Variants in MYBBP1A observed in about 807,000 individuals in gnomAD.
MYBBP1A encodes MYB binding protein 1a.
Under a neutral mutation model 136.3 loss-of-function variants are expected in MYBBP1A, and 147 were observed. That is an observed-to-expected ratio of 1.08 (90% CI 0.94 to 1.24). The LOEUF (loss-of-function observed/expected upper bound fraction) is 1.24, where lower values mean the gene tolerates loss of function less well. MYBBP1A is among the 50% of genes most tolerant of loss of function. The probability of loss-of-function intolerance (pLI) is 0.00; values close to 1 mark genes in which losing one functional copy is unlikely to be tolerated. For synonymous variants in MYBBP1A, 947 were observed against 735.8 expected (o/e 1.29, Z -4.65); for missense variants, 2,060 against 1,727.4 (o/e 1.19, Z -3.41).
At position 4,554,213 on chromosome 17, in the gene MYBBP1A, G is replaced by A; in HGVS notation, c.360C>T (p.Asp120=). Residue 120 remains aspartate (D), a synonymous_variant, in exon 3 of 26, where the codon GAC becomes GAT. Coordinates refer to ENST00000254718, the MANE Select transcript of MYBBP1A (RefSeq NM_014520.4). ...CTCTCACCTTCTTCACCTGATGCAG[G>A]TCATATTTTTCTTGTATCTGCTGCA... The part of the protein sequence containing the change: ...SILQQIQEKY[D]LHQVKKAMLR... 6.2e-7 allele frequency: 1 copy of A among 1,614,064 alleles called. No homozygotes were observed. Among genetic ancestry groups the A allele is most frequent in the Non-Finnish European group, 8.5e-7 (1 of 1,180,012 alleles).
intron 13 of MYBBP1A, among the ~76,000 whole-genome samples, chr17:4,546,536 T>C (rs1285112876): frequency 1.3e-5 from 2 of 152,304 alleles, no homozygotes; most frequent in East Asian, 3.9e-4. Flanking sequence ...CTGACAAGGA[T>C]GGTCAGGGTC....
rs768669660 is a variant in MYBBP1A, at chr17:4,545,030, G to A, written c.2306C>T (p.Ala769Val). 8.2e-5 allele frequency: 79 copies of A among 965,308 alleles called. No homozygotes were observed. Among genetic ancestry groups the A allele is most frequent in the Admixed American group, 2.4e-4 (6 of 25,092 alleles). The allele number at this position is 965,308 out of a possible 1,614,324, so 59.8% of individuals were successfully genotyped here. The stretch of plus-strand genomic sequence containing the variant: ...CCCTCCACCTCCCCCACTCACCAGC[G>A]CCTTCCCAGCCTGCAGCACGGTCAT... ...QLMTVLQAGK[A>V]LGGEDSENEE... Residue 769 changes from alanine to valine, a missense_variant, in exon 17 of 26, where the codon GCG (alanine) becomes GTG (valine). Coordinates refer to ENST00000254718, the MANE Select transcript of MYBBP1A (RefSeq NM_014520.4).
At chr17:4,554,605 C>G (rs145217597) in intron 2 of MYBBP1A, among the ~76,000 whole-genome samples, 2 of 152,324 alleles carry the variant, frequency 1.3e-5, no homozygotes, top group African/African-American at 4.8e-5. Flanking sequence ...GCCCACCCAG[C>G]GCTCACTGCT....
rs1597374500 is a variant in MYBBP1A at position 4,539,097 on chromosome 17, A to C, written c.*318T>G. 6.6e-7 allele frequency: 1 copy of C among 1,505,814 alleles called. No homozygotes were observed. The highest frequency in any genetic ancestry group is 9.1e-7 in the Non-Finnish European group (1 of 1,104,898). 93.3% of individuals were successfully genotyped at this position (1,505,814 alleles called of 1,614,324 possible). A position where few individuals can be genotyped will look rare whatever the true frequency, so the allele number is the denominator to read the frequency against. ...GGCAAAGAGGTGGCAGGCACGAGAG[A>C]TGGTCACACCTGCCTGCAGCCAGCA... On this transcript the variant is annotated 3_prime_UTR_variant, in exon 26 of 26. Coordinates refer to ENST00000254718, the MANE Select transcript of MYBBP1A (RefSeq NM_014520.4).
At chr17:4,544,724 G>GTGGGCGCACAGGGAGGCGGGGT (rs1906804025) in intron 18 of MYBBP1A, 27 bp downstream of exon 18, 1 of 1,509,912 alleles carries the variant, frequency 6.6e-7, no homozygotes, top group African/African-American at 1.4e-5. Flanking sequence ...GGAGGCGGGG[G>GTGGGCGCACAGGGAGGCGGGGT]TGGGTGCGGC....
At chr17:4,541,737 A>C in intron 23 of MYBBP1A, 47 bp downstream of exon 23, 2 of 1,549,504 alleles carry the variant, frequency 1.3e-6, no homozygotes. Flanking sequence ...GGTCTCCCGG[A>C]GAACTGATTC....
chr17:4,541,629 C>A, intron 23 of MYBBP1A, 65 bp from the exon 24 acceptor site: 2 of 1,557,696 alleles, frequency 1.3e-6, no homozygotes, highest in South Asian at 1.1e-5. Context: ...GTTTCCCAGC[C>A]GGAAGTAAAG....
Position 4,552,885 on chromosome 17 carries a change from G to A in MYBBP1A, c.562-259C>T, listed in dbSNP as rs1310612708. Among the ~76,000 whole-genome samples, 1 of 151,204 alleles carries A rather than the reference G, an allele frequency of 6.6e-6. No individual in the cohort carries two copies. Among genetic ancestry groups the A allele is most frequent in the Non-Finnish European group, 1.5e-5 (1 of 67,926 alleles). The stretch of plus-strand genomic sequence containing the variant: ...AGTCTCACTTTGCCACCCAGGCTGA[G>A]TATAGTGGTGTGATCTTGGCTCACT... On this transcript the variant is annotated intron_variant, in intron 5 of 25. Transcript: ENST00000254718. The surrounding 1 kb of genome is among the most constrained non-coding windows in gnomAD (Gnocchi z 4.7).
At chr17:4,549,868 C>T (rs1907348720) in intron 9 of MYBBP1A, among the ~76,000 whole-genome samples, 190 bp downstream of exon 9, 1 of 151,978 alleles carries the variant, frequency 6.6e-6, no homozygotes, top group South Asian at 2.1e-4. Context: ...TCCAAGATCT[C>T]CCCATCCCGA....
intron 15 of MYBBP1A, 41 bp from the exon 16 acceptor site, chr17:4,545,386 G>C (rs374829425): frequency 6.2e-7 from 1 of 1,605,370 alleles, no homozygotes; most frequent in South Asian, 1.1e-5. Flanking sequence ...TGCAGCCCCC[G>C]CCCTCCTCTC....
Position 4,541,853 on chromosome 17 carries a change from C to A in MYBBP1A, c.3126G>T (p.Glu1042Asp), listed in dbSNP as rs1330621594. The A allele has an allele frequency of 1.2e-6, 2 of 1,613,960 alleles. No homozygotes were observed. Among genetic ancestry groups the A allele is most frequent in the Admixed American group, 3.3e-5 (2 of 60,014 alleles). Residue 1042 changes from glutamate (E) to aspartate (D), a missense_variant, in exon 23 of 26, where the codon GAG becomes GAT. Transcript: ENST00000254718. Reference protein sequence around the residue: ...LLLQKTLSMREVRSCFEDPEW... With the variant: ...LLLQKTLSMRDVRSCFEDPEW... ...CGGGGTCCTCAAAGCACGACCTCAC[C>A]TCCCGCATGGACAGGGTCTTCTGGA...
chr17:4,550,453 C>G lies in MYBBP1A; in HGVS notation c.1024-100G>C, dbSNP rs556467893. 15 of 1,393,664 alleles carry G rather than the reference C, an allele frequency of 1.1e-5. No homozygotes were observed. The East Asian group carries it at 3.2e-4, about 30-fold the overall frequency. 86.3% of individuals were successfully genotyped at this position (1,393,664 alleles called of 1,614,324 possible). A position where few individuals can be genotyped will look rare whatever the true frequency, so the allele number is the denominator to read the frequency against. Reference sequence around the variant, plus strand: ...GCAGGCGGGCAACAGCCCAACAGCCCAACAGCCCGGGGGCAGGCGGGCAAC... The same window carrying G: ...GCAGGCGGGCAACAGCCCAACAGCCGAACAGCCCGGGGGCAGGCGGGCAAC... On this transcript the variant is annotated intron_variant, in intron 8 of 25. Coordinates refer to ENST00000254718, the MANE Select transcript of MYBBP1A (RefSeq NM_014520.4).
At position 4,550,226 on chromosome 17, in the gene MYBBP1A, C is replaced by A. The variant is rs1907388931; in HGVS notation, c.1151G>T (p.Gly384Val). The A allele has an allele frequency of 1.2e-6, 2 of 1,613,696 alleles. No homozygotes were observed. The highest frequency in any genetic ancestry group is 1.1e-5 in the South Asian group (1 of 91,090). The change falls in exon 9 of 26, where the codon GGC (glycine) becomes GTC (valine). Residue 384 changes from glycine (G) to valine (V), a missense_variant. Transcript: ENST00000254718. ...CCAGAAAGTAGGCGTGACAGGGAGG[C>A]CTTGGTTGGTGACAGATGAGAAGGC... Reference protein sequence around the residue: ...LVAFSSVTNQGLPVTPTFWRV... With the variant: ...LVAFSSVTNQVLPVTPTFWRV...
chr17:4,544,777 C>A lies in MYBBP1A; in HGVS notation c.2455G>T (p.Ala819Ser), dbSNP rs1906815160. Residue 819 changes from alanine (A) to serine (S), a missense_variant, in exon 18 of 26, where the codon GCT becomes TCT. Transcript: ENST00000254718. ...CGGATCTGGAAGTCGCGCCGCAGAG[C>A]CTTCTCCTTCTGCAGCTTGTTCTTC... ...DEKNKLQKEK[A>S]LRRDFQIRVL... The A allele has an allele frequency of 1.3e-6, 2 of 1,590,268 alleles. No homozygotes were observed. The highest frequency in any genetic ancestry group is 1.7e-5 in the Admixed American group (1 of 57,882).
intron 25 of MYBBP1A, 88 bp from the exon 26 acceptor site, chr17:4,540,055 G>A (rs919472723): frequency 1.4e-6 from 2 of 1,442,044 alleles, no homozygotes; most frequent in Non-Finnish European, 9.4e-7. Context: ...GGATTCTGAG[G>A]GTCCTCTGAG....
chr17:4,541,156 CCA>C (rs10535123), intron 24 of MYBBP1A, among the ~76,000 whole-genome samples: 24,754 of 152,218 alleles, frequency 0.16, 2,765 homozygotes, highest in East Asian at 0.53. Context: ...TCCAACCCTT[CCA>C]CAGTCTCCAG....
At chr17:4,549,241 G>A (rs1907285359) in intron 10 of MYBBP1A, 91 bp downstream of exon 10, 1 of 1,109,676 alleles carries the variant, frequency 9.0e-7, no homozygotes, top group Non-Finnish European at 1.3e-6. Flanking sequence ...AAAGGCTTCT[G>A]GCTCCAGGGG....
chr17:4,539,255 T>C lies in MYBBP1A; in HGVS notation c.*160A>G. The C allele has an allele frequency of 6.7e-7, 1 of 1,486,526 alleles. No homozygotes were observed. Among genetic ancestry groups the C allele is most frequent in the Non-Finnish European group, 8.8e-7 (1 of 1,130,022 alleles). 92.1% of individuals were successfully genotyped at this position (1,486,526 alleles called of 1,614,324 possible). A position where few individuals can be genotyped will look rare whatever the true frequency, so the allele number is the denominator to read the frequency against. On this transcript the variant is annotated 3_prime_UTR_variant, in exon 26 of 26. Transcript: ENST00000254718. ...CTGCAGGAATGGCTCAGGCTGTGCT[T>C]GCCAGAGCAGGATGCCCGGGCAGGC...
At chr17:4,542,285 G>C (rs1037194011) in intron 22 of MYBBP1A, 179 bp downstream of exon 22, 2 of 694,606 alleles carry the variant, frequency 2.9e-6, no homozygotes, top group Non-Finnish European at 4.8e-6. Flanking sequence ...GTGTGGCAGG[G>C]GCCAGGGCAC....
Sources: allele counts gnomAD v4.1 joint callset (sites outside exome capture counted in the v4.1 genomes callset), GRCh38; gene constraint gnomAD v4.1.1; non-coding constraint Gnocchi (gnomAD v3.1); transcripts MANE v1.5; gene names NCBI Gene and HGNC (gene_info 2026-07-23, HGNC 2026-07-21).